GRID1: variants seen among roughly 807,000 people sequenced by gnomAD.
GRID1 encodes glutamate receptor ionotropic, delta-1.
GRID1 carries 28 observed loss-of-function variants against 98.0 expected under a neutral mutation model. The ratio of observed to expected loss-of-function variants is 0.29; its 90% confidence interval spans 0.21 to 0.39. GRID1 has a LOEUF of 0.39. Among genes scored for constraint, GRID1 ranks in the 10% least tolerant of loss-of-function variants. The probability of loss-of-function intolerance (pLI) is 1.00; values close to 1 mark genes in which losing one functional copy is unlikely to be tolerated. For missense variants in GRID1, 1,111 were observed against 1,340.5 expected, an observed-to-expected ratio of 0.83 and a Z score of 2.67; for synonymous variants, 553 against 538.5, an observed-to-expected ratio of 1.03 and a Z score of -0.37.
chr10:85,742,994 C>T (rs964310220), intron 8 of GRID1, among the ~76,000 whole-genome samples: 2 of 151,898 alleles, frequency 1.3e-5, no homozygotes, highest in African/African-American at 4.8e-5. Context: ...TTGACCTCTG[C>T]CAACTAGATG....
chr10:86,163,203 G>C (rs1206822555), intron 3 of GRID1, among the ~76,000 whole-genome samples: 1 of 152,110 alleles, frequency 6.6e-6, no homozygotes, highest in African/African-American at 2.4e-5. Flanking sequence ...AACGGGAGTG[G>C]GAGCAGCACA....
intron 2 of GRID1, among the ~76,000 whole-genome samples, chr10:86,229,942 G>C (rs781222089): frequency 6.6e-6 from 1 of 152,178 alleles, no homozygotes; most frequent in African/African-American, 2.4e-5. Flanking sequence ...ACACCTGTCT[G>C]CCTCACCTTG....
rs185514430 is a variant in GRID1 at position 85,678,315 on chromosome 10, G to A, written c.1998-30918C>T. 5.2e-4 allele frequency among the ~76,000 whole-genome samples: 79 copies of A among 152,256 alleles called. No individual in the cohort carries two copies. In the East Asian group the frequency reaches 0.013, roughly 24 times the overall value. On this transcript the variant is annotated intron_variant, in intron 12 of 15. Coordinates refer to ENST00000327946, the MANE Select transcript of GRID1 (RefSeq NM_017551.3). ...GATTTTTTGTTGTTGTTGATATCCTGAAGGAAAAGACCAAAGGCTGGACAT... is the reference window on the plus strand; with the variant it reads ...GATTTTTTGTTGTTGTTGATATCCTAAAGGAAAAGACCAAAGGCTGGACAT...
chr10:85,812,755 TC>T (rs1431579787), intron 8 of GRID1, among the ~76,000 whole-genome samples: 4 of 149,434 alleles, frequency 2.7e-5, no homozygotes, highest in East Asian at 4.0e-4. Flanking sequence ...TCTCTCTCCC[TC>T]CCCCCAATCT....
At position 85,755,012 on chromosome 10, in the gene GRID1, A is replaced by G. The variant is rs569970508; in HGVS notation, c.1234-25398T>C. ...ATCAGCCTAGTCTTTCTGGTACAGG[A>G]TGGCCCTCTTGGAATATGAAGCAGC... On this transcript the variant is annotated intron_variant, in intron 8 of 15. Coordinates refer to ENST00000327946, the MANE Select transcript of GRID1 (RefSeq NM_017551.3). 8.9e-4 allele frequency among the ~76,000 whole-genome samples: 136 copies of G among 152,252 alleles called. 1 individual carries two copies. The highest frequency in any genetic ancestry group is 3.1e-3 in the African/African-American group (129 of 41,544).
chr10:86,325,214 T>C (rs1848031001), intron 2 of GRID1, among the ~76,000 whole-genome samples: 1 of 152,248 alleles, frequency 6.6e-6, no homozygotes, highest in South Asian at 2.1e-4. Flanking sequence ...AATATTGTAT[T>C]AAATACTTAC....
chr10:85,974,278 TTTTTGTTTG>T (rs1258477410), intron 4 of GRID1, among the ~76,000 whole-genome samples: 1 of 121,426 alleles, frequency 8.2e-6, no homozygotes, highest in African/African-American at 3.6e-5. Context: ...AGCCTCAAGT[TTTTTGTTTG>T]TTTTGTTTTG....
chr10:85,672,595 C>T (rs1841099289), intron 12 of GRID1, among the ~76,000 whole-genome samples: 1 of 152,030 alleles, frequency 6.6e-6, no homozygotes, highest in Non-Finnish European at 1.5e-5. Context: ...CATGAGCCCC[C>T]ACGCCCGGCC....
chr10:85,684,250 T>G (rs1221609431), intron 12 of GRID1, among the ~76,000 whole-genome samples: 2 of 152,176 alleles, frequency 1.3e-5, no homozygotes, highest in Non-Finnish European at 2.9e-5. Context: ...TACATGCCCC[T>G]AAAACAATGT....
At chr10:85,681,476 C>T (rs1841208216) in intron 12 of GRID1, among the ~76,000 whole-genome samples, 1 of 152,164 alleles carries the variant, frequency 6.6e-6, no homozygotes. Context: ...GGCTGGAGCT[C>T]AGACCTTTGT....
At chr10:85,691,118 T>A (rs1163320503) in intron 12 of GRID1, among the ~76,000 whole-genome samples, 1 of 152,180 alleles carries the variant, frequency 6.6e-6, no homozygotes, top group African/African-American at 2.4e-5. Flanking sequence ...AAAGTGACCA[T>A]CTAAAATCAC....
At chr10:85,648,777 T>G (rs948052406) in intron 12 of GRID1, among the ~76,000 whole-genome samples, 2 of 152,206 alleles carry the variant, frequency 1.3e-5, no homozygotes, top group Non-Finnish European at 2.9e-5. Flanking sequence ...CCTCTTTCCT[T>G]GGGGAGCCAT....
intron 4 of GRID1, among the ~76,000 whole-genome samples, chr10:85,985,611 T>A (rs7100188): frequency 6.6e-6 from 1 of 151,946 alleles, no homozygotes; most frequent in South Asian, 2.1e-4. Context: ...CAGGATGGCC[T>A]CTCAGTGCCT....
chr10:85,808,918 T>C lies in GRID1; in HGVS notation c.1233+45578A>G, dbSNP rs1412079119. 2.0e-5 allele frequency among the ~76,000 whole-genome samples: 3 copies of C among 152,142 alleles called. No individual in the cohort carries two copies. The South Asian group carries it at 6.2e-4, about 31-fold the overall frequency. On this transcript the variant is annotated intron_variant, in intron 8 of 15. Coordinates refer to ENST00000327946, the MANE Select transcript of GRID1 (RefSeq NM_017551.3). Reference sequence around the variant, plus strand: ...ATTAAGACCTTAAAAGGTAAAGATATTGAGTGAACAGACCAGCATTTAAAA... The same window carrying C: ...ATTAAGACCTTAAAAGGTAAAGATACTGAGTGAACAGACCAGCATTTAAAA...
chr10:86,142,779 A>T (rs181313725), intron 3 of GRID1, among the ~76,000 whole-genome samples: 99 of 152,342 alleles, frequency 6.5e-4, no homozygotes, highest in African/African-American at 2.2e-3. Context: ...CTTATGCCTC[A>T]TGCCAGCATG....
intron 4 of GRID1, chr10:86,052,367 T>C (rs1014611243): frequency 2.6e-5 from 4 of 152,302 alleles, no homozygotes; most frequent in Middle Eastern, 3.4e-3. Context: ...TTTTACCCAA[T>C]ACCTTTTTAC....
chr10:85,645,291 G>T (rs1843172889), intron 13 of GRID1, among the ~76,000 whole-genome samples: 1 of 152,106 alleles, frequency 6.6e-6, no homozygotes, highest in East Asian at 1.9e-4. Flanking sequence ...TTTGGCCCAG[G>T]CCTCACATGC....
At chr10:86,029,181 C>T (rs913448810) in intron 4 of GRID1, among the ~76,000 whole-genome samples, 1 of 152,196 alleles carries the variant, frequency 6.6e-6, no homozygotes, top group Non-Finnish European at 1.5e-5. Context: ...TTTCCACTTC[C>T]CCCCAAAACC....
chr10:85,803,867 T>C (rs1842598672), intron 8 of GRID1, among the ~76,000 whole-genome samples: 1 of 151,932 alleles, frequency 6.6e-6, no homozygotes, highest in Non-Finnish European at 1.5e-5. Flanking sequence ...CACACTCAAA[T>C]AGCAAAGTTT....
Sources: allele counts gnomAD v4.1 joint callset (sites outside exome capture counted in the v4.1 genomes callset), GRCh38; gene constraint gnomAD v4.1.1; transcripts MANE v1.5; gene names NCBI Gene and HGNC (gene_info 2026-07-23, HGNC 2026-07-21).